Variants in BSND observed in about 807,000 individuals in gnomAD.
The protein encoded by BSND is barttin CLCNK type accessory subunit beta.
In BSND, 13 loss-of-function variants were observed where a neutral mutation model predicts 18.8. The observed-to-expected ratio is 0.69, with a 90% confidence interval of 0.45 to 1.10. The LOEUF (loss-of-function observed/expected upper bound fraction) is 1.10. BSND is among the 50% of genes least tolerant of loss of function. The pLI is 0.00. For synonymous variants in BSND, 170 were observed against 161.8 expected (o/e 1.05, Z -0.39); for missense variants, 379 against 416.7 (o/e 0.91, Z 0.79).
In BSND at chr1:54,999,320, T is replaced by C; in HGVS notation, c.134T>C (p.Val45Ala). 6.2e-7 allele frequency: 1 copy of C among 1,613,172 alleles called. No homozygotes were observed. Among genetic ancestry groups the C allele is most frequent in the Admixed American group, 1.7e-5 (1 of 60,002 alleles). Residue 45 changes from valine to alanine, a missense_variant, in exon 1 of 4, where the codon GTG becomes GCG. Val to Ala is a moderately conservative substitution (Grantham distance 64, BLOSUM62 0). Transcript: ENST00000651561. ...GTFYAMGSVMVIGGIIWSMCQ... is the reference protein window; with the variant it reads ...GTFYAMGSVMAIGGIIWSMCQ... ...TTCTATGCCATGGGCAGCGTCATGG[T>C]GATCGGGGGCATCATCTGGAGCATG...
Position 54,999,195 on chromosome 1 carries a change from C to A in BSND, c.9C>A (p.Asp3Glu), listed in dbSNP as rs141111550. 1.2e-6 allele frequency: 2 copies of A among 1,614,096 alleles called. No homozygotes were observed. The highest frequency in any genetic ancestry group is 3.3e-5 in the Admixed American group (2 of 60,034). MA[D>E]EKTFRIGFIV... ...GGACTGGCCAGGCAGCCATGGCTGA[C>A]GAGAAGACCTTCCGGATCGGCTTCA... Residue 3 changes from aspartate to glutamate, a missense_variant, in exon 1 of 4, where the codon GAC becomes GAA. Transcript: ENST00000651561.
rs1462219254 is a variant in BSND, at chr1:55,013,389, C to T, written c.*4761C>T. Among the ~76,000 whole-genome samples, 4 of 152,176 alleles carry T rather than the reference C, an allele frequency of 2.6e-5. No homozygotes were observed. Among genetic ancestry groups the T allele is most frequent in the African/African-American group, 9.7e-5 (4 of 41,426 alleles). ...TGTTGGCCAGGCTGGTCTTGTACCC[C>T]TGACCTCAGATGATCTACCCGCCTC... On this transcript the variant is annotated 3_prime_UTR_variant, in exon 4 of 4. Coordinates refer to ENST00000651561, the MANE Select transcript of BSND (RefSeq NM_057176.3).
rs145115310 is a variant in BSND at position 55,015,879 on chromosome 1, C to A, written c.*7251C>A. Among the ~76,000 whole-genome samples, 546 of 152,316 alleles carry A rather than the reference C, an allele frequency of 3.6e-3. 6 individuals are homozygous for A. The highest frequency in any genetic ancestry group is 0.012 in the African/African-American group (519 of 41,578). ...TTCTCAGAGAGGAACTCCCACCAAG[C>A]TATGTCCTGAAGGATTCGCTAGGGA... is the stretch of plus-strand genomic sequence containing the variant. On this transcript the variant is annotated 3_prime_UTR_variant, in exon 4 of 4. Transcript: ENST00000651561.
Position 55,015,996 on chromosome 1 carries a change from G to A in BSND, c.*7368G>A, listed in dbSNP as rs1157842709. Among the ~76,000 whole-genome samples the A allele has an allele frequency of 2.0e-5, 3 of 152,224 alleles. No homozygotes were observed. The East Asian group carries it at 5.8e-4, about 29-fold the overall frequency. On this transcript the variant is annotated 3_prime_UTR_variant, in exon 4 of 4. Coordinates refer to ENST00000651561, the MANE Select transcript of BSND (RefSeq NM_057176.3). ...TTGACCTGGGGTAGGTGTGAACTGA[G>A]CTTAGAATAGGAGCGGAGGGTGGCT...
intron 3 of BSND, 63 bp from the exon 4 acceptor site, chr1:55,008,151 G>GAAT (rs2100209401): frequency 6.9e-7 from 1 of 1,453,990 alleles, no homozygotes; most frequent in Non-Finnish European, 9.6e-7. Context: ...CTAGCGGCTG[G>GAAT]AATGTGGACC....
rs1488330679 is a variant in BSND at position 55,015,831 on chromosome 1, C to G, written c.*7203C>G. Among the ~76,000 whole-genome samples, 1 of 152,140 alleles carries G rather than the reference C, an allele frequency of 6.6e-6. No individual in the cohort carries two copies. On this transcript the variant is annotated 3_prime_UTR_variant, in exon 4 of 4. Coordinates refer to ENST00000651561, the MANE Select transcript of BSND (RefSeq NM_057176.3). ...AGGGAAGCACGGCGGGGATCTGACC[C>G]CACCTGGAGAGTCGGCAGGAGCTTC...
At position 55,008,380 on chromosome 1, in the gene BSND, C is replaced by T. The variant is rs147394986; in HGVS notation, c.715C>T (p.Gln239Ter). 181 of 1,614,232 alleles carry T rather than the reference C, an allele frequency of 1.1e-4. No homozygotes were observed. In the African/African-American group the frequency reaches 2.1e-3, roughly 19 times the overall value. ...CTGCAGGTGCCCGCTGGACCGCTTC[C>T]AAGACTTTGCCCTGATTGATGCCCC... ...QGCRCPLDRF[Q>*]DFALIDAPTL... The change falls in exon 4 of 4, where the codon CAA becomes TAA. Residue 239 changes from glutamine (Q) to a stop codon, truncating the protein, a stop_gained. Transcript: ENST00000651561. LOFTEE classifies it low-confidence loss of function (END_TRUNC).
chr1:54,999,380 C>G lies in BSND; in HGVS notation c.177+17C>G. 2 of 1,599,270 alleles carry G rather than the reference C, an allele frequency of 1.3e-6. No homozygotes were observed. The highest frequency in any genetic ancestry group is 4.5e-5 in the East Asian group (2 of 44,542). ...TACCCCAAGGTAGGTGGTAGTGGGG[C>G]TGGGTGGGGCCAGGTCAGCTGGGGC... On this transcript the variant is annotated intron_variant, in intron 1 of 3. Transcript: ENST00000651561.
chr1:55,008,618 C>T lies in BSND; in HGVS notation c.953C>T (p.Thr318Ile), dbSNP rs1201039077. Residue 318 changes from threonine (T) to isoleucine (I), a missense_variant, in exon 4 of 4, where the codon ACC (threonine) becomes ATC (isoleucine). Physicochemically the swap from Thr to Ile is moderately conservative, Grantham distance 89. Transcript: ENST00000651561. ...PDKELGFEPDTQG is the reference protein window; with the variant it reads ...PDKELGFEPDIQG ...AAGGAGCTGGGTTTTGAGCCTGACACCCAAGGCTGAGATGTTTGTGCTCCG... is the reference window on the plus strand; with the variant it reads ...AAGGAGCTGGGTTTTGAGCCTGACATCCAAGGCTGAGATGTTTGTGCTCCG... 6.2e-7 allele frequency: 1 copy of T among 1,614,134 alleles called. No individual in the cohort carries two copies. Among genetic ancestry groups the T allele is most frequent in the Non-Finnish European group, 8.5e-7 (1 of 1,180,034 alleles).
Position 55,015,852 on chromosome 1 carries a change from G to A in BSND, c.*7224G>A, listed in dbSNP as rs1644447474. ...GACCCCACCTGGAGAGTCGGCAGGA[G>A]CTTCTCAGAGAGGAACTCCCACCAA... On this transcript the variant is annotated 3_prime_UTR_variant, in exon 4 of 4. Coordinates refer to ENST00000651561, the MANE Select transcript of BSND (RefSeq NM_057176.3). Among the ~76,000 whole-genome samples, 1 of 152,204 alleles carries A rather than the reference G, an allele frequency of 6.6e-6. No homozygotes were observed. Among genetic ancestry groups the A allele is most frequent in the Admixed American group, 6.5e-5 (1 of 15,286 alleles).
intron 2 of BSND, among the ~76,000 whole-genome samples, chr1:55,005,901 G>A (rs1010533970): frequency 3.3e-5 from 5 of 149,534 alleles, no homozygotes; most frequent in African/African-American, 1.2e-4. Flanking sequence ...GCACTCAGCA[G>A]TGATGGAGGC....
At chr1:55,006,678 A>C (rs974261363) in intron 2 of BSND, among the ~76,000 whole-genome samples, 6 of 152,202 alleles carry the variant, frequency 3.9e-5, no homozygotes, top group Admixed American at 1.3e-4. Context: ...GCCTTTACCC[A>C]CCATCTGGGA....
chr1:55,005,275 G>C (rs770169186), intron 2 of BSND, among the ~76,000 whole-genome samples, 159 bp downstream of exon 2: 4 of 152,252 alleles, frequency 2.6e-5, no homozygotes, highest in Non-Finnish European at 4.4e-5. Flanking sequence ...AATTCTGTGA[G>C]TTAGGCATTA....
chr1:55,013,467 C>T lies in BSND; in HGVS notation c.*4839C>T, dbSNP rs542100358. Among the ~76,000 whole-genome samples, 1 of 152,110 alleles carries T rather than the reference C, an allele frequency of 6.6e-6. No homozygotes were observed. The highest frequency in any genetic ancestry group is 2.4e-5 in the African/African-American group (1 of 41,396). ...TGTGAGTCACTGCACCCAGCTGTCC[C>T]CATTTTATAGATGAGGAACTGAGGC... On this transcript the variant is annotated 3_prime_UTR_variant, in exon 4 of 4. Coordinates refer to ENST00000651561, the MANE Select transcript of BSND (RefSeq NM_057176.3).
At position 55,014,918 on chromosome 1, in the gene BSND, G is replaced by A. The variant is rs191261701; in HGVS notation, c.*6290G>A. ...AGGAGTGAGGGTATCTCAGGCAGAG[G>A]GCATGGCATAGGCAAAGCCTTGGGG... On this transcript the variant is annotated 3_prime_UTR_variant, in exon 4 of 4. Coordinates refer to ENST00000651561, the MANE Select transcript of BSND (RefSeq NM_057176.3). 3.5e-3 allele frequency among the ~76,000 whole-genome samples: 530 copies of A among 152,282 alleles called. 1 individual carries two copies. The highest frequency in any genetic ancestry group is 0.012 in the African/African-American group (509 of 41,552).
Position 55,008,706 on chromosome 1 carries a change from T to A in BSND, c.*78T>A. 1 of 1,604,464 alleles carries A rather than the reference T, an allele frequency of 6.2e-7. No homozygotes were observed. Among genetic ancestry groups the A allele is most frequent in the South Asian group, 1.1e-5 (1 of 90,716 alleles). On this transcript the variant is annotated 3_prime_UTR_variant, in exon 4 of 4. Coordinates refer to ENST00000651561, the MANE Select transcript of BSND (RefSeq NM_057176.3). ...ACATCACAGGGCCTCAGTTTCCCTA[T>A]CTGCAAAATGGGATGATATGGAGGT...
chr1:55,000,621 C>T (rs569556189), intron 1 of BSND, among the ~76,000 whole-genome samples: 31 of 152,364 alleles, frequency 2.0e-4, no homozygotes, highest in African/African-American at 6.3e-4. Context: ...GGGCCTGGGC[C>T]GGCTCTCCCC....
chr1:55,004,827 A>G (rs1644381437), intron 1 of BSND, among the ~76,000 whole-genome samples, 195 bp from the exon 2 acceptor site: 1 of 152,196 alleles, frequency 6.6e-6, no homozygotes, highest in Non-Finnish European at 1.5e-5. Context: ...AGAACCAGGA[A>G]GGGAGCAGGA....
rs1644428418 is a variant in BSND at position 55,012,648 on chromosome 1, C to T, written c.*4020C>T. On this transcript the variant is annotated 3_prime_UTR_variant, in exon 4 of 4. Coordinates refer to ENST00000651561, the MANE Select transcript of BSND (RefSeq NM_057176.3). ...ATGCATCAGGGAGCCACTGTCCTGC[C>T]TATAAATAAAACAATAGGTGAGTGC... 6.6e-6 allele frequency among the ~76,000 whole-genome samples: 1 copy of T among 152,198 alleles called. No individual in the cohort carries two copies. The highest frequency in any genetic ancestry group is 2.4e-5 in the African/African-American group (1 of 41,430).
Sources: gnomAD v4.1 joint callset for allele counts (sites outside exome capture counted in the v4.1 genomes callset) on GRCh38, gnomAD v4.1.1 for gene constraint, MANE v1.5 for transcripts, NCBI Gene and HGNC (gene_info 2026-07-23, HGNC 2026-07-21) for gene names.